The following MYO1E variants were observed in gnomAD, a reference collection of about 807,000 sequenced individuals.
MYO1E encodes the protein unconventional myosin-Ie.
Under a neutral mutation model 151.1 loss-of-function variants are expected in MYO1E, and 68 were observed. That is an observed-to-expected ratio of 0.45 (90% CI 0.37 to 0.55). The LOEUF (loss-of-function observed/expected upper bound fraction) is 0.55. Ranked by LOEUF, MYO1E falls within the 20% of genes least tolerant of loss-of-function variation. MYO1E has a pLI of 0.00. For missense variants in MYO1E, 1,363 were observed against 1,389.3 expected, an observed-to-expected ratio of 0.98 and a Z score of 0.30; for synonymous variants, 601 against 501.7, an observed-to-expected ratio of 1.20 and a Z score of -2.64.
At chr15:59,280,075 C>T (rs953127194) in intron 1 of MYO1E, among the ~76,000 whole-genome samples, 3 of 152,168 alleles carry the variant, frequency 2.0e-5, no homozygotes, top group Non-Finnish European at 4.4e-5. Context: ...TTTATTATTT[C>T]ATGTCAACTC....
chr15:59,148,068 A>G (rs972768933), intron 26 of MYO1E, among the ~76,000 whole-genome samples: 3 of 152,244 alleles, frequency 2.0e-5, no homozygotes, highest in South Asian at 2.1e-4. Context: ...ACTTTCAAAT[A>G]GCATTGTGCT....
chr15:59,213,129 C>CTATTTATT (rs200340382), intron 12 of MYO1E, among the ~76,000 whole-genome samples: 141 of 131,956 alleles, frequency 1.1e-3, no homozygotes, highest in Middle Eastern at 7.7e-3. Context: ...CTGCACTGAA[C>CTATTTATT]TATTTATTTA....
chr15:59,163,449 A>C, intron 22 of MYO1E, 146 bp from the exon 23 acceptor site: 1 of 826,608 alleles, frequency 1.2e-6, no homozygotes, highest in Non-Finnish European at 1.8e-6. Flanking sequence ...CTTTCAAACA[A>C]AACCAACAAC....
At chr15:59,368,979 C>T (rs1256930539) in intron 1 of MYO1E, among the ~76,000 whole-genome samples, 2 of 152,206 alleles carry the variant, frequency 1.3e-5, no homozygotes, top group Non-Finnish European at 2.9e-5. Flanking sequence ...ATTTCCCCAA[C>T]GCTTTGCCTC....
rs2079360444 is a variant in MYO1E, at chr15:59,134,370, T to C, written c.*3010A>G. ...CTCTGTATTGTTTCACAAAACACTG[T>C]GGAAGAGACGGCCCTTTTGCATGTC... On this transcript the variant is annotated 3_prime_UTR_variant, in exon 28 of 28. Coordinates refer to ENST00000288235, the MANE Select transcript of MYO1E (RefSeq NM_004998.4). The C allele has an allele frequency of 6.6e-6, 1 of 152,218 alleles. No individual in the cohort carries two copies. The highest frequency in any genetic ancestry group is 6.5e-5 in the Admixed American group (1 of 15,282). 9.4% of individuals were successfully genotyped at this position (152,218 alleles called of 1,614,324 possible). A position where few individuals can be genotyped will look rare whatever the true frequency, so the allele number is the denominator to read the frequency against.
At chr15:59,201,938 G>A (rs913291113) in intron 16 of MYO1E, among the ~76,000 whole-genome samples, 3 of 152,140 alleles carry the variant, frequency 2.0e-5, no homozygotes, top group Non-Finnish European at 2.9e-5. Flanking sequence ...GGCAAGTAAC[G>A]TTCCATAACT....
chr15:59,330,451 G>A (rs7177871), intron 1 of MYO1E, among the ~76,000 whole-genome samples: 32,245 of 152,082 alleles, frequency 0.21, 4,723 homozygotes, highest in African/African-American at 0.41. Flanking sequence ...GGCAAAGTAC[G>A]TATAACTCAA....
chr15:59,354,950 T>C (rs1187909922), intron 1 of MYO1E, among the ~76,000 whole-genome samples: 1 of 152,224 alleles, frequency 6.6e-6, no homozygotes, highest in East Asian at 1.9e-4. Flanking sequence ...AGTGGTTTTA[T>C]CTGAGGGGGC....
In MYO1E at chr15:59,366,296, TTCTCTCTCTCTC is replaced by T. The variant is rs139428236; in HGVS notation, c.3+6190_3+6201del. 3.9e-4 allele frequency among the ~76,000 whole-genome samples: 9 copies of T among 22,856 alleles called. No individual in the cohort carries two copies. The South Asian group carries it at 7.5e-3, about 19-fold the overall frequency. 15.0% of individuals were successfully genotyped at this position (22,856 alleles called of 152,430 possible). ...GCCCAGCCCTGTCTCTTTCTTTTTT[TTCTCTCTCTCTC>T]TTTCTCTCTCTCTCTCTCACTCTCA... On this transcript the variant is annotated intron_variant, in intron 1 of 27. Coordinates refer to ENST00000288235, the MANE Select transcript of MYO1E (RefSeq NM_004998.4).
chr15:59,284,833 G>A (rs1392310758), intron 1 of MYO1E, among the ~76,000 whole-genome samples: 1 of 152,110 alleles, frequency 6.6e-6, no homozygotes, highest in Non-Finnish European at 1.5e-5. Context: ...CATCATTAGT[G>A]AGGTAAGGAC....
At chr15:59,284,109 C>A (rs886446763) in intron 1 of MYO1E, among the ~76,000 whole-genome samples, 1 of 152,246 alleles carries the variant, frequency 6.6e-6, no homozygotes, top group Non-Finnish European at 1.5e-5. Context: ...TGATGTCTGC[C>A]CCCTGCCATG....
rs1173552137 is a variant in MYO1E, at chr15:59,216,936, T to TTGCTCA, written c.1107+954_1107+955insTGAGCA. On this transcript the variant is annotated intron_variant, in intron 10 of 27. Transcript: ENST00000288235. ...AAACTGGCTTCTTGCTCATTCTCTCTTTCAGATCACTCGCTCTGGGGAAAA... is the reference window on the plus strand; with the variant it reads ...AAACTGGCTTCTTGCTCATTCTCTCTTGCTCATTCAGATCACTCGCTCTGGGGAAAA... 1.5e-3 allele frequency among the ~76,000 whole-genome samples: 230 copies of TTGCTCA among 151,970 alleles called. 1 individual carries two copies. The highest frequency in any genetic ancestry group is 5.2e-3 in the African/African-American group (216 of 41,424).
intron 1 of MYO1E, among the ~76,000 whole-genome samples, chr15:59,360,401 C>T (rs748567294): frequency 1.3e-4 from 20 of 152,080 alleles, no homozygotes; most frequent in Non-Finnish European, 2.6e-4. Flanking sequence ...TGTCTTTCTT[C>T]ACATGGACAG....
chr15:59,255,971 TG>T (rs1362379308), intron 4 of MYO1E, among the ~76,000 whole-genome samples: 2 of 152,142 alleles, frequency 1.3e-5, no homozygotes, highest in Non-Finnish European at 2.9e-5. Flanking sequence ...TGTTCAAACA[TG>T]AACTACTAAA....
At chr15:59,202,624 T>G (rs1293381884) in intron 15 of MYO1E, among the ~76,000 whole-genome samples, 1 of 152,152 alleles carries the variant, frequency 6.6e-6, no homozygotes, top group Non-Finnish European at 1.5e-5. Context: ...ATATAAGCAA[T>G]TTGGAATCAA....
chr15:59,174,683 A>G (rs1221935439), intron 19 of MYO1E, among the ~76,000 whole-genome samples: 1 of 152,162 alleles, frequency 6.6e-6, no homozygotes, highest in African/African-American at 2.4e-5. Context: ...CAGTTTCTGC[A>G]GGAGCTGGGC....
intron 4 of MYO1E, among the ~76,000 whole-genome samples, chr15:59,245,120 C>G (rs954895010): frequency 1.3e-5 from 2 of 152,162 alleles, no homozygotes; most frequent in Non-Finnish European, 2.9e-5. Flanking sequence ...CTGGGATAAA[C>G]AAGAAATTGG....
At chr15:59,218,438 C>T in intron 9 of MYO1E, 1 of 400,234 alleles carries the variant, frequency 2.5e-6, no homozygotes, top group Non-Finnish European at 4.8e-6. Context: ...AGCACGACAG[C>T]CAGGAAGGAA....
intron 16 of MYO1E, among the ~76,000 whole-genome samples, chr15:59,201,686 G>A (rs1394961119): frequency 6.6e-6 from 1 of 152,188 alleles, no homozygotes; most frequent in African/African-American, 2.4e-5. Flanking sequence ...TTACAGGCGT[G>A]AGCCACCGCA....
Sources: allele counts gnomAD v4.1 joint callset (sites outside exome capture counted in the v4.1 genomes callset), GRCh38; gene constraint gnomAD v4.1.1; transcripts MANE v1.5; gene names NCBI Gene and HGNC (gene_info 2026-07-23, HGNC 2026-07-21).